The following TNFSF10 variants were observed in gnomAD, a reference collection of about 807,000 sequenced individuals.
The protein encoded by TNFSF10 is TNF superfamily member 10.
In TNFSF10, 13 loss-of-function variants were observed where a neutral mutation model predicts 29.5. The ratio of observed to expected loss-of-function variants is 0.44; its 90% confidence interval spans 0.29 to 0.70. TNFSF10 has a LOEUF of 0.70. Among genes scored for constraint, TNFSF10 ranks in the 30% least tolerant of loss-of-function variants. The pLI is 0.13. For synonymous variants in TNFSF10, 111 were observed against 112.8 expected (o/e 0.98, Z 0.10); for missense variants, 345 against 330.9 (o/e 1.04, Z -0.33).
Position 172,509,302 on chromosome 3 carries a change from A to C in TNFSF10, c.333T>G (p.Ser111=). 6.2e-7 allele frequency: 1 copy of C among 1,613,350 alleles called. No individual in the cohort carries two copies. Among genetic ancestry groups the C allele is most frequent in the Non-Finnish European group, 8.5e-7 (1 of 1,179,738 alleles). The stretch of plus-strand genomic sequence containing the variant: ...GAGGACCTCTTTCTCTCACTAGGGG[A>C]GAAATATTTTGTTGCTTTTCTAAAA... ...STVQEKQQNI[S]PLVRERGPQR... is the part of the protein sequence containing the mutation. The change falls in exon 4 of 5, where the codon TCT becomes TCG. Residue 111 remains serine (S), a synonymous_variant. Transcript: ENST00000241261.
At chr3:172,512,354 T>C (rs1337602353) in intron 2 of TNFSF10, among the ~76,000 whole-genome samples, 1 of 152,036 alleles carries the variant, frequency 6.6e-6, no homozygotes, top group Non-Finnish European at 1.5e-5. Flanking sequence ...AAACCAAACC[T>C]CTCTATTAAA....
chr3:172,514,970 A>G lies in TNFSF10; in HGVS notation c.161T>C (p.Ile54Thr). The G allele has an allele frequency of 6.2e-7, 1 of 1,614,164 alleles. No individual in the cohort carries two copies. The highest frequency in any genetic ancestry group is 8.5e-7 in the Non-Finnish European group (1 of 1,180,016). The part of the protein sequence containing the change: ...QMQDKYSKSG[I>T]ACFLKEDDSY... ...GTCATCTTCTTTTAAGAAACAAGCA[A>G]TGCCACTTTTGGAGTACTTGTCCTG... The change falls in exon 2 of 5, where the codon ATT becomes ACT. Residue 54 changes from isoleucine (I) to threonine (T), a missense_variant. Transcript: ENST00000241261.
chr3:172,523,219 G>T lies in TNFSF10; in HGVS notation c.132+34C>A, dbSNP rs748090261. ...GCAGGTAACCAGACATTTGCTAAGC[G>T]CCTCGAAGACTGAGTGCACTGCACT... On this transcript the variant is annotated intron_variant, in intron 1 of 4. Coordinates refer to ENST00000241261, the MANE Select transcript of TNFSF10 (RefSeq NM_003810.4). 3.9e-5 allele frequency: 60 copies of T among 1,543,932 alleles called. 2 individuals are homozygous for T. In the South Asian group the frequency reaches 4.1e-4, roughly 11 times the overall value.
At chr3:172,514,742 A>C (rs1416684923) in intron 2 of TNFSF10, 119 bp downstream of exon 2, 5 of 1,365,622 alleles carry the variant, frequency 3.7e-6, no homozygotes, top group Non-Finnish European at 5.0e-6. Context: ...TCTGGGCCTA[A>C]GTTTTCTTAT....
chr3:172,523,163 T>C (rs1043400285), intron 1 of TNFSF10, 90 bp downstream of exon 1: 47 of 1,451,244 alleles, frequency 3.2e-5, no homozygotes, highest in Non-Finnish European at 3.5e-5. Flanking sequence ...CAGGAAAGTC[T>C]TCAGAGAGGG....
At chr3:172,514,168 G>A (rs976376520) in intron 2 of TNFSF10, among the ~76,000 whole-genome samples, 1 of 152,156 alleles carries the variant, frequency 6.6e-6, no homozygotes, top group African/African-American at 2.4e-5. Context: ...ATCTTATAAA[G>A]AAGGAAGAGC....
chr3:172,515,020 C>T, intron 1 of TNFSF10, 22 bp from the exon 2 acceptor site: 1 of 1,613,406 alleles, frequency 6.2e-7, no homozygotes, highest in East Asian at 2.2e-5. Flanking sequence ...TGGAATATAA[C>T]ACAATATTTT....
At chr3:172,518,712 G>A (rs922972687) in intron 1 of TNFSF10, among the ~76,000 whole-genome samples, 5 of 152,208 alleles carry the variant, frequency 3.3e-5, no homozygotes, top group African/African-American at 9.6e-5. Context: ...AATCCTTGCA[G>A]AGTGTATCTT....
intron 3 of TNFSF10, among the ~76,000 whole-genome samples, chr3:172,510,031 G>T (rs1577010585): frequency 6.7e-6 from 1 of 150,098 alleles, no homozygotes; most frequent in African/African-American, 2.4e-5. Context: ...AAAAGAATCA[G>T]TTCAAACTTC....
intron 4 of TNFSF10, 102 bp downstream of exon 4, chr3:172,509,115 T>TA: frequency 1.1e-6 from 1 of 886,782 alleles, no homozygotes; most frequent in Non-Finnish European, 1.7e-6. Flanking sequence ...ATTTTGTAGA[T>TA]AGCCATATAA....
At chr3:172,516,094 C>T (rs545518304) in intron 1 of TNFSF10, among the ~76,000 whole-genome samples, 1 of 152,102 alleles carries the variant, frequency 6.6e-6, no homozygotes, top group South Asian at 2.1e-4. Context: ...AACCCCATCT[C>T]TACTAAAAAA....
chr3:172,506,241 C>G lies in TNFSF10; in HGVS notation c.*251G>C, dbSNP rs1712977505. 1 of 415,240 alleles carries G rather than the reference C, an allele frequency of 2.4e-6. No individual in the cohort carries two copies. Among genetic ancestry groups the G allele is most frequent in the Non-Finnish European group, 4.3e-6 (1 of 233,798 alleles). 25.7% of individuals were successfully genotyped at this position (415,240 alleles called of 1,614,324 possible). A position where few individuals can be genotyped will look rare whatever the true frequency, so the allele number is the denominator to read the frequency against. ...AGTCTTCTAGATTTCTGCTAGCAAA[C>G]TGATATGAGGTAGAGTCCTGAAAGA... On this transcript the variant is annotated 3_prime_UTR_variant, in exon 5 of 5. Transcript: ENST00000241261.
rs534941736 is a variant in TNFSF10 at position 172,513,474 on chromosome 3, G to T, written c.270+1387C>A. On this transcript the variant is annotated intron_variant, in intron 2 of 4. Transcript: ENST00000241261. ...CAGCTTGTGTGGAGTGGGCCCCCCTGTCTGGAGCAATGCCGCCAGGGCAGC... is the reference window on the plus strand; with the variant it reads ...CAGCTTGTGTGGAGTGGGCCCCCCTTTCTGGAGCAATGCCGCCAGGGCAGC... 2.6e-5 allele frequency among the ~76,000 whole-genome samples: 4 copies of T among 152,296 alleles called. No homozygotes were observed. In the South Asian group the frequency reaches 8.3e-4, roughly 32 times the overall value.
chr3:172,523,166 AGAGAGG>A (rs1713778737), intron 1 of TNFSF10, 81 bp downstream of exon 1: 5 of 1,456,000 alleles, frequency 3.4e-6, no homozygotes, highest in African/African-American at 1.4e-5. Flanking sequence ...GAAAGTCTTC[AGAGAGG>A]GGCAAGCTGA....
intron 4 of TNFSF10, chr3:172,507,266 C>T: frequency 4.3e-6 from 1 of 233,628 alleles, no homozygotes; most frequent in Non-Finnish European, 8.2e-6. Context: ...TGCCCTGAAT[C>T]TGTTCCTCCC....
chr3:172,523,331 C>A lies in TNFSF10; in HGVS notation c.54G>T (p.Leu18=). Residue 18 remains leucine (L), a synonymous_variant, in exon 1 of 5, where the codon CTG becomes CTT. Transcript: ENST00000241261. ...GCAGGAGCACTGTGAAGATCACGAT[C>A]AGCACGCAGGTCTGTCCCAGGCTGG... The part of the protein sequence containing the change: ...GGPSLGQTCV[L]IVIFTVLLQS... The A allele has an allele frequency of 6.2e-7, 1 of 1,614,066 alleles. No individual in the cohort carries two copies. The highest frequency in any genetic ancestry group is 1.1e-5 in the South Asian group (1 of 91,072).
At chr3:172,513,844 T>G (rs1482144088) in intron 2 of TNFSF10, among the ~76,000 whole-genome samples, 1 of 151,968 alleles carries the variant, frequency 6.6e-6, no homozygotes, top group Non-Finnish European at 1.5e-5. Context: ...ATTTTTTTTT[T>G]TTTTTGGTTT....
chr3:172,516,296 C>T (rs1236352267), intron 1 of TNFSF10, among the ~76,000 whole-genome samples: 2 of 151,562 alleles, frequency 1.3e-5, no homozygotes, highest in African/African-American at 4.8e-5. Context: ...GAATTGACTA[C>T]CTAGGGAAAT....
chr3:172,509,065 A>G (rs942586414), intron 4 of TNFSF10, 152 bp downstream of exon 4: 12 of 498,494 alleles, frequency 2.4e-5, no homozygotes, highest in Middle Eastern at 5.4e-4. Context: ...GTAATCTTGC[A>G]TCTGAAAACA....
Sources: gnomAD v4.1 joint callset for allele counts (sites outside exome capture counted in the v4.1 genomes callset) on GRCh38, gnomAD v4.1.1 for gene constraint, MANE v1.5 for transcripts, NCBI Gene and HGNC (gene_info 2026-07-23, HGNC 2026-07-21) for gene names.